ABHD5: variants seen among roughly 807,000 people sequenced by gnomAD.
ABHD5 encodes abhydrolase domain containing 5, lysophosphatidic acid acyltransferase, also known as 1-acylglycerol-3-phosphate O-acyltransferase ABHD5.
ABHD5 carries 30 observed loss-of-function variants against 44.9 expected under a neutral mutation model. The ratio of observed to expected loss-of-function variants is 0.67; its 90% CI spans 0.50 to 0.91. The LOEUF (loss-of-function observed/expected upper bound fraction) is 0.91. Ranked by LOEUF, ABHD5 falls within the 40% of genes least tolerant of loss-of-function variation. The pLI, the probability that ABHD5 is intolerant of heterozygous loss-of-function variation, is 0.00. For missense variants in ABHD5, 399 were observed against 423.4 expected (o/e 0.94, Z 0.50); for synonymous variants, 167 against 147.0 (o/e 1.14, Z -0.99).
intron 3 of ABHD5, among the ~76,000 whole-genome samples, chr3:43,710,597 A>G (rs1454995933): frequency 6.6e-6 from 1 of 152,268 alleles, no homozygotes; most frequent in Non-Finnish European, 1.5e-5. Flanking sequence ...GAAAGAAAAC[A>G]GTCACAGTAT....
downstream of ABHD5, among the ~76,000 whole-genome samples, chr3:43,726,441 C>T (rs2084878326): frequency 6.6e-6 from 1 of 152,168 alleles, no homozygotes; most frequent in Admixed American, 6.5e-5. Flanking sequence ...GGAAGCCAGG[C>T]ATTGAGGACA....
rs763521549 is a variant in ABHD5 at position 43,717,748 on chromosome 3, T to G, written c.851T>G (p.Met284Arg). The G allele has an allele frequency of 1.2e-6, 2 of 1,614,208 alleles. No individual in the cohort carries two copies. Among genetic ancestry groups the G allele is most frequent in the East Asian group, 2.2e-5 (1 of 44,878 alleles). ...KRPMLQRIGK[M>R]HPDIPVSVIF... Reference sequence around the variant, plus strand: ...CCAATGCTCCAGCGAATTGGTAAAATGCACCCTGACATTCCAGTTTCAGTG... The same window carrying G: ...CCAATGCTCCAGCGAATTGGTAAAAGGCACCCTGACATTCCAGTTTCAGTG... The change falls in exon 6 of 7, where the codon ATG becomes AGG. Residue 284 changes from methionine to arginine, a missense_variant. Physicochemically the swap from Met to Arg is moderately conservative, Grantham distance 91. Transcript: ENST00000644371.
chr3:43,701,059 T>G (rs1330857892), intron 2 of ABHD5, among the ~76,000 whole-genome samples: 1 of 152,212 alleles, frequency 6.6e-6, no homozygotes, highest in Non-Finnish European at 1.5e-5. Flanking sequence ...CCCTTCCTTT[T>G]GGTTCTAGGG....
At chr3:43,690,917 C>G, upstream of ABHD5, 2 of 1,474,580 alleles carry the variant, frequency 1.4e-6, no homozygotes, top group South Asian at 2.6e-5. Context: ...CCTTAAGTGC[C>G]GCGCCAGCCC....
chr3:43,700,557 A>G (rs2084528448), intron 2 of ABHD5, among the ~76,000 whole-genome samples: 1 of 151,804 alleles, frequency 6.6e-6, no homozygotes, highest in Non-Finnish European at 1.5e-5. Context: ...AGGAAGGGAT[A>G]ATTAGCCATC....
intron 7 of ABHD5, among the ~76,000 whole-genome samples, chr3:43,728,223 T>C (rs997912959): frequency 6.6e-6 from 1 of 152,182 alleles, no homozygotes; most frequent in African/African-American, 2.4e-5. Context: ...AAATTTTTAC[T>C]ATGCCAACAA....
In ABHD5 at chr3:43,707,084, G is replaced by A. The variant is rs541026339; in HGVS notation, c.506+4497G>A. 2.0e-5 allele frequency among the ~76,000 whole-genome samples: 3 copies of A among 152,258 alleles called. No homozygotes were observed. The East Asian group carries it at 5.8e-4, about 29-fold the overall frequency. ...AATTTTTGCCAACTTTTGGATTACA[G>A]GCGTGAGCCACTGCACCTGGCCCGG... On this transcript the variant is annotated intron_variant, in intron 3 of 6. Coordinates refer to ENST00000644371, the MANE Select transcript of ABHD5 (RefSeq NM_016006.6).
intron 3 of ABHD5, among the ~76,000 whole-genome samples, chr3:43,703,141 A>T: frequency 6.6e-6 from 1 of 151,410 alleles, no homozygotes; most frequent in Non-Finnish European, 1.5e-5. Context: ...ATTAATGAAC[A>T]TTTGCTTCAA....
At chr3:43,704,160 C>G (rs1275087021) in intron 3 of ABHD5, among the ~76,000 whole-genome samples, 1 of 151,216 alleles carries the variant, frequency 6.6e-6, no homozygotes, top group Non-Finnish European at 1.5e-5. Flanking sequence ...CTGCCTCAGC[C>G]TCCCGAGTAG....
chr3:43,718,700 G>C lies in ABHD5; in HGVS notation c.*168G>C. The C allele has an allele frequency of 3.0e-6, 2 of 665,812 alleles. No individual in the cohort carries two copies. Among genetic ancestry groups the C allele is most frequent in the South Asian group, 3.4e-5 (2 of 58,454 alleles). 41.2% of individuals were successfully genotyped at this position (665,812 alleles called of 1,614,324 possible). A position where few individuals can be genotyped will look rare whatever the true frequency, so the allele number is the denominator to read the frequency against. ...TTCACTCACACATTTAAACCAGTTA[G>C]TGCCTTCTAGAAGAATGGCTTTCCT... On this transcript the variant is annotated 3_prime_UTR_variant, in exon 7 of 7. Coordinates refer to ENST00000644371, the MANE Select transcript of ABHD5 (RefSeq NM_016006.6).
chr3:43,691,400 G>C (rs1442487129), intron 1 of ABHD5: 1 of 184,476 alleles, frequency 5.4e-6, no homozygotes, highest in Non-Finnish European at 1.1e-5. Flanking sequence ...CAAGGGACCC[G>C]GCCTGCCCCA....
At chr3:43,706,779 G>A (rs2084625591) in intron 3 of ABHD5, among the ~76,000 whole-genome samples, 1 of 152,082 alleles carries the variant, frequency 6.6e-6, no homozygotes, top group Non-Finnish European at 1.5e-5. Context: ...GCTTCCTCAG[G>A]TGTTGCAAAT....
chr3:43,731,089 A>G (rs1047330376), intron 7 of ABHD5, among the ~76,000 whole-genome samples: 1 of 151,876 alleles, frequency 6.6e-6, no homozygotes, highest in East Asian at 1.9e-4. Flanking sequence ...CGGCCTCCCA[A>G]AGTGCTGGGA....
chr3:43,717,573 G>A (rs2084782189), intron 5 of ABHD5, 98 bp from the exon 6 acceptor site: 1 of 1,320,702 alleles, frequency 7.6e-7, no homozygotes, highest in Admixed American at 1.8e-5. Context: ...CTTAGGTGCT[G>A]GAAAAGCTAA....
At position 43,718,594 on chromosome 3, in the gene ABHD5, A is replaced by G. The variant is rs2084798253; in HGVS notation, c.*62A>G. ...ATATAGTTGTTCAGCAATAATTCATAGTCTGTGATGAAGAGTAGTGAATAC... is the reference window on the plus strand; with the variant it reads ...ATATAGTTGTTCAGCAATAATTCATGGTCTGTGATGAAGAGTAGTGAATAC... On this transcript the variant is annotated 3_prime_UTR_variant, in exon 7 of 7. Coordinates refer to ENST00000644371, the MANE Select transcript of ABHD5 (RefSeq NM_016006.6). The G allele has an allele frequency of 6.7e-7, 1 of 1,490,818 alleles. No homozygotes were observed. 92.3% of individuals were successfully genotyped at this position (1,490,818 alleles called of 1,614,324 possible). A position where few individuals can be genotyped will look rare whatever the true frequency, so the allele number is the denominator to read the frequency against.
rs189968197 is a variant in ABHD5, at chr3:43,711,830, C to T, written c.628C>T (p.Pro210Ser). The change falls in exon 4 of 7, where the codon CCT becomes TCT. Residue 210 changes from proline (P) to serine (S), a missense_variant. Physicochemically the swap from Pro to Ser is moderately conservative, Grantham distance 74. Transcript: ENST00000644371. The part of the protein sequence containing the change: ...ALGAALTPFN[P>S]LAGLRIAGPF... ...GGGAGCAGCATTGACTCCCTTTAAC[C>T]CTTTAGCTGGCCTAAGGATTGCAGG... 6.2e-7 allele frequency: 1 copy of T among 1,614,184 alleles called. No individual in the cohort carries two copies. Among genetic ancestry groups the T allele is most frequent in the Non-Finnish European group, 8.5e-7 (1 of 1,180,034 alleles).
chr3:43,701,485 ATTTAATTTCATT>A (rs71083082), intron 2 of ABHD5, among the ~76,000 whole-genome samples: 2 of 152,210 alleles, frequency 1.3e-5, no homozygotes, highest in African/African-American at 2.4e-5. Context: ...ATGATTTCAA[ATTTAATTTCATT>A]TTTAGGCAAT....
intron 5 of ABHD5, 27 bp from the exon 6 acceptor site, chr3:43,717,644 A>T (rs201459596): frequency 5.6e-5 from 91 of 1,611,398 alleles, no homozygotes; most frequent in Non-Finnish European, 1.5e-5. Flanking sequence ...AAAATCATAC[A>T]TCGTGATTTT....
At chr3:43,713,255 G>A (rs2084711378) in intron 4 of ABHD5, among the ~76,000 whole-genome samples, 1 of 151,244 alleles carries the variant, frequency 6.6e-6, no homozygotes, top group Non-Finnish European at 1.5e-5. Flanking sequence ...CCTGGGAGGT[G>A]GAGGTTGTGG....
Sources: gnomAD v4.1 joint callset for allele counts (sites outside exome capture counted in the v4.1 genomes callset) on GRCh38, gnomAD v4.1.1 for gene constraint, MANE v1.5 for transcripts, NCBI Gene and HGNC (gene_info 2026-07-23, HGNC 2026-07-21) for gene names.